STRBP: variants seen among roughly 807,000 people sequenced by gnomAD.
STRBP encodes the protein spermatid perinuclear RNA binding protein, also known as spermatid perinuclear RNA-binding protein.
In STRBP, 13 loss-of-function variants were observed where a neutral mutation model predicts 80.1. The observed-to-expected ratio is 0.16, with a 90% CI of 0.11 to 0.26. The LOEUF (loss-of-function observed/expected upper bound fraction) is 0.26, where lower values mean the gene tolerates loss of function less well. Ranked by LOEUF, STRBP falls within the 10% of genes least tolerant of loss-of-function variation. The pLI is 1.00. For synonymous variants in STRBP, 284 were observed against 291.2 expected, an observed-to-expected ratio of 0.98 and a Z score of 0.25; for missense variants, 485 against 815.2, an observed-to-expected ratio of 0.59 and a Z score of 4.93.
intron 2 of STRBP, among the ~76,000 whole-genome samples, chr9:123,190,115 A>G (rs1309529086): frequency 2.0e-5 from 3 of 152,062 alleles, no homozygotes; most frequent in Non-Finnish European, 4.4e-5. Context: ...TCTTGTCTCT[A>G]CTAAAAATAC....
chr9:123,221,342 T>G (rs1265227136), intron 2 of STRBP, among the ~76,000 whole-genome samples: 2 of 152,234 alleles, frequency 1.3e-5, no homozygotes, highest in East Asian at 3.8e-4. Flanking sequence ...CTTCACGCTC[T>G]ATCAGTAACC....
intron 2 of STRBP, among the ~76,000 whole-genome samples, chr9:123,229,795 T>A (rs2040347938): frequency 6.6e-6 from 1 of 152,114 alleles, no homozygotes; most frequent in Non-Finnish European, 1.5e-5. Flanking sequence ...GGGGTCGGAA[T>A]AATCAAACAA....
chr9:123,168,979 A>G (rs1287994239), intron 6 of STRBP, among the ~76,000 whole-genome samples: 1 of 152,180 alleles, frequency 6.6e-6, no homozygotes, highest in East Asian at 1.9e-4. Flanking sequence ...TGATTCTCAC[A>G]TAAATCATAT....
Position 123,184,125 on chromosome 9 carries a change from A to T in STRBP, c.3+7T>A. On this transcript the variant is annotated splice_region_variant and intron_variant, in intron 3 of 18. Transcript: ENST00000348403. ...ACTAAATTATGAAAATATCCACAAT[A>T]ACCTACCATGGTTTTCTATAGTATT... is the stretch of plus-strand genomic sequence containing the variant. 1 of 1,608,642 alleles carries T rather than the reference A, an allele frequency of 6.2e-7. No homozygotes were observed. The highest frequency in any genetic ancestry group is 8.5e-7 in the Non-Finnish European group (1 of 1,177,198).
intron 1 of STRBP, among the ~76,000 whole-genome samples, chr9:123,249,173 T>G (rs1323861953): frequency 1.3e-5 from 2 of 151,852 alleles, no homozygotes; most frequent in Non-Finnish European, 2.9e-5. Flanking sequence ...AGCTCAGGAG[T>G]TGGAAACCGC....
At chr9:123,259,420 G>C (rs182436284) in intron 1 of STRBP, among the ~76,000 whole-genome samples, 1 of 152,260 alleles carries the variant, frequency 6.6e-6, no homozygotes, top group African/African-American at 2.4e-5. Flanking sequence ...AAAAATTTGA[G>C]AGTCAGCCAG....
At chr9:123,162,806 T>C (rs758447409) in intron 6 of STRBP, among the ~76,000 whole-genome samples, 4 of 152,366 alleles carry the variant, frequency 2.6e-5, no homozygotes, top group Non-Finnish European at 5.9e-5. Flanking sequence ...TAAACAAATG[T>C]ACCACGGGTA....
In STRBP at chr9:123,139,662, G is replaced by A; in HGVS notation, c.1364C>T (p.Thr455Ile). 1 of 1,611,886 alleles carries A rather than the reference G, an allele frequency of 6.2e-7. No homozygotes were observed. Among genetic ancestry groups the A allele is most frequent in the South Asian group, 1.1e-5 (1 of 90,584 alleles). The change falls in exon 14 of 19, where the codon ACA becomes ATA. Residue 455 changes from threonine (T) to isoleucine (I), a missense_variant. Coordinates refer to ENST00000348403, the MANE Select transcript of STRBP (RefSeq NM_018387.5). ...ACATTCAATATCTGCATCAAAGCCT[G>A]TTGGATATCCCATTGCCTGCAATAC... is the stretch of plus-strand genomic sequence containing the variant. ...VKVLQAMGYP[T>I]GFDADIECMS... is the part of the protein sequence containing the mutation.
At chr9:123,214,145 T>TACACACACACACACAC (rs138090782) in intron 2 of STRBP, among the ~76,000 whole-genome samples, 1 of 141,352 alleles carries the variant, frequency 7.1e-6, no homozygotes, top group African/African-American at 2.6e-5. Flanking sequence ...TATATATGTA[T>TACACACACACACACAC]ACACACACAC....
At chr9:123,183,678 C>G (rs144405232) in intron 3 of STRBP, among the ~76,000 whole-genome samples, 13 of 152,136 alleles carry the variant, frequency 8.5e-5, no homozygotes, top group African/African-American at 3.1e-4. Context: ...AGCACTTGAC[C>G]CTATTATTTT....
At chr9:123,189,562 C>T (rs886578159) in intron 2 of STRBP, among the ~76,000 whole-genome samples, 1 of 151,906 alleles carries the variant, frequency 6.6e-6, no homozygotes, top group Non-Finnish European at 1.5e-5. Flanking sequence ...ATGGATGAAG[C>T]TGGAAACCAT....
At chr9:123,238,646 C>T (rs575946626) in intron 1 of STRBP, among the ~76,000 whole-genome samples, 38 of 152,210 alleles carry the variant, frequency 2.5e-4, no homozygotes, top group African/African-American at 9.2e-4. Flanking sequence ...TAACATCCCA[C>T]GTATGCAAAT....
downstream of STRBP, among the ~76,000 whole-genome samples, chr9:123,118,116 C>G (rs2035675279): frequency 6.6e-6 from 1 of 152,198 alleles, no homozygotes; most frequent in African/African-American, 2.4e-5. Flanking sequence ...TAGAACAGAA[C>G]TAGGTTCCAT....
chr9:123,118,303 C>T (rs929355996), downstream of STRBP, among the ~76,000 whole-genome samples: 5 of 152,126 alleles, frequency 3.3e-5, no homozygotes, highest in African/African-American at 1.2e-4. Context: ...CACTGCTGCT[C>T]CAAATGACCT....
intron 2 of STRBP, among the ~76,000 whole-genome samples, chr9:123,215,772 G>A (rs536772982): frequency 8.5e-5 from 13 of 152,224 alleles, no homozygotes; most frequent in African/African-American, 2.6e-4. Context: ...AGACAAGAGC[G>A]AAACTCCATC....
intron 1 of STRBP, among the ~76,000 whole-genome samples, chr9:123,240,874 C>G (rs1454145509): frequency 6.6e-6 from 1 of 152,170 alleles, no homozygotes; most frequent in African/African-American, 2.4e-5. Flanking sequence ...TGATGGCAAA[C>G]ATCAGTTAAA....
chr9:123,228,596 G>A (rs2040311896), intron 2 of STRBP, among the ~76,000 whole-genome samples: 1 of 152,178 alleles, frequency 6.6e-6, no homozygotes, highest in African/African-American at 2.4e-5. Flanking sequence ...ACTGTGAACT[G>A]ACTGTTGAAT....
intron 2 of STRBP, among the ~76,000 whole-genome samples, chr9:123,235,752 G>A (rs2040543252): frequency 6.6e-6 from 1 of 152,036 alleles, no homozygotes; most frequent in African/African-American, 2.4e-5. Flanking sequence ...AAATTAAATT[G>A]AAGTCATGTT....
intron 2 of STRBP, among the ~76,000 whole-genome samples, chr9:123,210,534 T>C (rs1163990298): frequency 6.6e-6 from 1 of 151,852 alleles, no homozygotes; most frequent in Non-Finnish European, 1.5e-5. Context: ...AACATTATTA[T>C]AAAAAATGAT....
Sources: allele counts gnomAD v4.1 joint callset (sites outside exome capture counted in the v4.1 genomes callset), GRCh38; gene constraint gnomAD v4.1.1; transcripts MANE v1.5; gene names NCBI Gene and HGNC (gene_info 2026-07-23, HGNC 2026-07-21).